Variants in ZCCHC7 observed in about 807,000 individuals in gnomAD.
ZCCHC7 encodes zinc finger CCHC domain-containing protein 7.
Under a neutral mutation model 52.0 loss-of-function variants are expected in ZCCHC7, and 35 were observed. That is an observed-to-expected ratio of 0.67 (90% CI 0.51 to 0.89). The LOEUF (loss-of-function observed/expected upper bound fraction) is 0.89. ZCCHC7 is among the 40% of genes least tolerant of loss of function. The pLI is 0.00. For missense variants in ZCCHC7, 574 were observed against 649.1 expected (o/e 0.88, Z 1.26); for synonymous variants, 217 against 221.5 (o/e 0.98, Z 0.18).
intron 2 of ZCCHC7, among the ~76,000 whole-genome samples, chr9:37,181,333 T>C (rs966695105): frequency 1.3e-5 from 2 of 152,334 alleles, no homozygotes; most frequent in Non-Finnish European, 2.9e-5. Flanking sequence ...TCAAATTGTT[T>C]CATCACTTAG....
At chr9:37,228,900 A>G (rs1825258934) in intron 2 of ZCCHC7, among the ~76,000 whole-genome samples, 1 of 148,694 alleles carries the variant, frequency 6.7e-6, no homozygotes, top group African/African-American at 2.5e-5. Context: ...CAGTGGCGCA[A>G]TCTCAGCTCA....
intron 2 of ZCCHC7, among the ~76,000 whole-genome samples, chr9:37,283,548 C>G (rs114158577): frequency 0.043 from 6,540 of 151,908 alleles, 475 homozygotes; most frequent in African/African-American, 0.15. Context: ...TTTATTTGAC[C>G]CCTCTTTTTC....
Position 37,126,532 on chromosome 9 carries a change from G to A in ZCCHC7, c.200G>A (p.Ser67Asn), listed in dbSNP as rs1324225026. 1 of 1,614,062 alleles carries A rather than the reference G, an allele frequency of 6.2e-7. No individual in the cohort carries two copies. The highest frequency in any genetic ancestry group is 8.5e-7 in the Non-Finnish European group (1 of 1,180,038). Residue 67 changes from serine (S) to asparagine (N), a missense_variant, in exon 2 of 9, where the codon AGT becomes AAT. Ser to Asn is a conservative substitution (Grantham distance 46, BLOSUM62 1). This residue lies in a region of ZCCHC7 where 403 missense variants were observed against 461.2 expected (regional missense o/e 0.87). Coordinates refer to ENST00000336755, the MANE Select transcript of ZCCHC7 (RefSeq NM_032226.3). ...KNSGNSESSSSKPNQKKLIVL... is the reference protein window; with the variant it reads ...KNSGNSESSSNKPNQKKLIVL... ...TCTGGGAATTCGGAATCTTCGAGTA[G>A]TAAACCAAATCAGAAGAAGCTAATC...
intron 2 of ZCCHC7, among the ~76,000 whole-genome samples, chr9:37,138,872 T>C (rs1843104485): frequency 6.6e-6 from 1 of 151,944 alleles, no homozygotes. Context: ...TGATCACTTA[T>C]CTAAGAAGAT....
chr9:37,171,442 A>AT (rs1187436376), intron 2 of ZCCHC7, among the ~76,000 whole-genome samples: 1 of 151,998 alleles, frequency 6.6e-6, no homozygotes, highest in Non-Finnish European at 1.5e-5. Context: ...TTTTATTTTT[A>AT]TTTTTTGGTT....
chr9:37,297,639 T>C (rs1828848883), intron 2 of ZCCHC7, among the ~76,000 whole-genome samples: 1 of 152,240 alleles, frequency 6.6e-6, no homozygotes, highest in South Asian at 2.1e-4. Context: ...AGGAGCTATA[T>C]GGAAATTAGG....
intron 2 of ZCCHC7, among the ~76,000 whole-genome samples, chr9:37,226,892 G>A (rs1825134564): frequency 6.6e-6 from 1 of 151,958 alleles, no homozygotes; most frequent in African/African-American, 2.4e-5. Context: ...AGCTGGGCTT[G>A]GGTGGTGGGC....
intron 7 of ZCCHC7, among the ~76,000 whole-genome samples, chr9:37,352,887 C>CA (rs1385638329): frequency 2.0e-5 from 3 of 151,244 alleles, no homozygotes; most frequent in Non-Finnish European, 4.4e-5. Context: ...CTCCCCCCGA[C>CA]AAAAAAACAA....
intron 2 of ZCCHC7, among the ~76,000 whole-genome samples, chr9:37,238,675 A>G (rs1237513158): frequency 6.6e-6 from 1 of 152,128 alleles, no homozygotes; most frequent in African/African-American, 2.4e-5. Context: ...GCTATTATTC[A>G]GGAGACTGTT....
chr9:37,214,002 ATGTG>A (rs148278811), intron 2 of ZCCHC7, among the ~76,000 whole-genome samples: 86 of 149,832 alleles, frequency 5.7e-4, no homozygotes, highest in African/African-American at 2.0e-3. Context: ...AATGGTGTGT[ATGTG>A]TGTGTGTGTG....
intron 2 of ZCCHC7, among the ~76,000 whole-genome samples, chr9:37,249,595 G>T (rs539703993): frequency 2.0e-5 from 3 of 151,598 alleles, no homozygotes; most frequent in African/African-American, 4.8e-5. Context: ...GGGACTACGG[G>T]TGCGTGCCAC....
intron 1 of ZCCHC7, among the ~76,000 whole-genome samples, chr9:37,124,286 T>C (rs745866606): frequency 1.1e-4 from 16 of 152,028 alleles, no homozygotes; most frequent in Non-Finnish European, 2.4e-4. Context: ...AAACATCTAC[T>C]GTGTAGAGTT....
intron 6 of ZCCHC7, among the ~76,000 whole-genome samples, chr9:37,329,304 G>A (rs1449861243): frequency 6.6e-6 from 1 of 151,484 alleles, no homozygotes; most frequent in Non-Finnish European, 1.5e-5. Flanking sequence ...GTAAAAATTT[G>A]TTTCAATGTA....
At chr9:37,153,875 A>G (rs762389866) in intron 2 of ZCCHC7, among the ~76,000 whole-genome samples, 2 of 152,044 alleles carry the variant, frequency 1.3e-5, no homozygotes, top group African/African-American at 4.8e-5. Flanking sequence ...CAATGGATTG[A>G]GTCAAATCAT....
chr9:37,327,669 G>C (rs1830303438), intron 5 of ZCCHC7, 130 bp from the exon 6 acceptor site: 1 of 894,804 alleles, frequency 1.1e-6, no homozygotes, highest in Non-Finnish European at 1.7e-6. Context: ...AAGCTGAAAT[G>C]CAGACCCTTT....
intron 7 of ZCCHC7, among the ~76,000 whole-genome samples, chr9:37,350,926 G>A (rs912017040): frequency 7.9e-5 from 12 of 152,222 alleles, no homozygotes; most frequent in African/African-American, 2.7e-4. Context: ...CAGATCTGGT[G>A]TCAGGAGGCA....
At chr9:37,204,931 T>C (rs189209678) in intron 2 of ZCCHC7, among the ~76,000 whole-genome samples, 1 of 152,366 alleles carries the variant, frequency 6.6e-6, no homozygotes, top group East Asian at 1.9e-4. Flanking sequence ...ACATGTCTGC[T>C]ATGGTTTGAA....
chr9:37,312,477 AAG>A (rs1266853054), intron 5 of ZCCHC7, among the ~76,000 whole-genome samples: 26 of 152,260 alleles, frequency 1.7e-4, no homozygotes, highest in Non-Finnish European at 2.9e-5. Flanking sequence ...TGATAAATAA[AAG>A]AGTCTTAGAA....
intron 2 of ZCCHC7, among the ~76,000 whole-genome samples, chr9:37,206,115 A>G (rs1766796217): frequency 1.3e-5 from 2 of 152,118 alleles, no homozygotes; most frequent in South Asian, 2.1e-4. Context: ...TTTAACAGAT[A>G]TATGTCTAAA....
Sources: gnomAD v4.1 joint callset for allele counts (sites outside exome capture counted in the v4.1 genomes callset) on GRCh38, gnomAD v4.1.1 for gene constraint, gnomAD v4.1.1 regional missense constraint, MANE v1.5 for transcripts, NCBI Gene and HGNC (gene_info 2026-07-23, HGNC 2026-07-21) for gene names.